The following ADAM17 variants were observed in gnomAD, a reference collection of about 807,000 sequenced individuals.
The protein encoded by ADAM17 is ADAM metallopeptidase domain 17.
ADAM17 carries 39 observed loss-of-function variants against 96.7 expected under a neutral mutation model. That is an observed-to-expected ratio of 0.40 (90% confidence interval 0.31 to 0.53). ADAM17 has a LOEUF of 0.53. Ranked by LOEUF, ADAM17 falls within the 20% of genes least tolerant of loss-of-function variation. The pLI is 0.44. For missense variants in ADAM17, 777 were observed against 1,013.2 expected (o/e 0.77, Z 3.17); for synonymous variants, 344 against 359.2 (o/e 0.96, Z 0.48).
rs756580109 is a variant in ADAM17, at chr2:9,555,492, C to G, written c.97+17G>C. ...CGCTCCAGGCGCCGGCCTAAGCCAA[C>G]TCCCCTGGGTCTTTACCGAGTCTCT... On this transcript the variant is annotated intron_variant, in intron 1 of 18. Transcript: ENST00000310823. The G allele has an allele frequency of 4.5e-6, 7 of 1,566,424 alleles. No homozygotes were observed. The highest frequency in any genetic ancestry group is 2.3e-5 in the East Asian group (1 of 42,796).
intron 18 of ADAM17, 105 bp from the exon 19 acceptor site, chr2:9,490,623 GTGATGCT>G: frequency 8.2e-7 from 1 of 1,220,128 alleles, no homozygotes; most frequent in Non-Finnish European, 1.1e-6. Context: ...TGTTGGCACT[GTGATGCT>G]AAGAAAAAAG....
At position 9,502,338 on chromosome 2, in the gene ADAM17, C is replaced by T. The variant is rs111689207; in HGVS notation, c.1545-62G>A. The T allele has an allele frequency of 1.6e-4, 232 of 1,420,202 alleles. 1 individual carries two copies. In the African/African-American group the frequency reaches 2.3e-3, roughly 14 times the overall value. 88.0% of individuals were successfully genotyped at this position (1,420,202 alleles called of 1,614,324 possible). A position where few individuals can be genotyped will look rare whatever the true frequency, so the allele number is the denominator to read the frequency against. On this transcript the variant is annotated intron_variant, in intron 12 of 18. Coordinates refer to ENST00000310823, the MANE Select transcript of ADAM17 (RefSeq NM_003183.6). ...AATTATGGCCCCATATCAAATCAAACGCTACAGTTACGTTACAGTGACCTG... is the reference window on the plus strand; with the variant it reads ...AATTATGGCCCCATATCAAATCAAATGCTACAGTTACGTTACAGTGACCTG...
At chr2:9,502,789 G>A (rs1663083680) in intron 12 of ADAM17, among the ~76,000 whole-genome samples, 2 of 144,860 alleles carry the variant, frequency 1.4e-5, no homozygotes, top group Non-Finnish European at 3.0e-5. Flanking sequence ...TGAGGCAGGA[G>A]AATCGCCTGG....
Position 9,527,999 on chromosome 2 carries a change from T to C in ADAM17, c.451-45A>G, listed in dbSNP as rs763462479. On this transcript the variant is annotated intron_variant, in intron 4 of 18. Coordinates refer to ENST00000310823, the MANE Select transcript of ADAM17 (RefSeq NM_003183.6). ...CGACTGAGATGGAAAACAATAATAA[T>C]TCCTAAACACTAAATTCTTCTAACA... The C allele has an allele frequency of 2.4e-6, 3 of 1,262,704 alleles. No homozygotes were observed. The South Asian group carries it at 5.9e-5, about 25-fold the overall frequency. 78.2% of individuals were successfully genotyped at this position (1,262,704 alleles called of 1,614,324 possible). A position where few individuals can be genotyped will look rare whatever the true frequency, so the allele number is the denominator to read the frequency against.
chr2:9,522,396 A>C (rs1299290972), intron 7 of ADAM17: 2 of 568,728 alleles, frequency 3.5e-6, no homozygotes, highest in Non-Finnish European at 6.6e-6. Context: ...CTTACTTTTC[A>C]CTGGCTTTTG....
At chr2:9,539,818 T>C (rs1572954050) in intron 2 of ADAM17, among the ~76,000 whole-genome samples, 1 of 152,340 alleles carries the variant, frequency 6.6e-6, no homozygotes, top group East Asian at 1.9e-4. Flanking sequence ...CTGTCCGACC[T>C]TGGCCTCAAT....
intron 12 of ADAM17, among the ~76,000 whole-genome samples, chr2:9,504,306 G>A (rs1182104233): frequency 3.3e-5 from 5 of 151,816 alleles, no homozygotes; most frequent in African/African-American, 9.7e-5. Context: ...TCAGCCAGGC[G>A]TGATGGTGCG....
chr2:9,514,546 TATATATATATATATATATATATAA>T lies in ADAM17; in HGVS notation c.1191+3331_1191+3354del, dbSNP rs1368392499. On this transcript the variant is annotated intron_variant, in intron 10 of 18. Transcript: ENST00000310823. The stretch of plus-strand genomic sequence containing the variant: ...ATATATATATATATATATATATATA[TATATATATATATATATATATATAA>T]ATAAAAAGAGACAGGGTCTCAGGCC... Among the ~76,000 whole-genome samples the T allele has an allele frequency of 4.2e-4, 21 of 50,372 alleles. No individual in the cohort carries two copies. In the South Asian group the frequency reaches 8.9e-3, roughly 21 times the overall value. 33.0% of individuals were successfully genotyped at this position (50,372 alleles called of 152,430 possible). A position where few individuals can be genotyped will look rare whatever the true frequency, so the allele number is the denominator to read the frequency against.
chr2:9,535,323 A>G (rs1463793647), intron 4 of ADAM17, among the ~76,000 whole-genome samples: 2 of 152,322 alleles, frequency 1.3e-5, no homozygotes, highest in East Asian at 1.9e-4. Flanking sequence ...TCTGACAGAT[A>G]GATATGTGTC....
At chr2:9,529,164 C>CA (rs1664639971) in intron 4 of ADAM17, among the ~76,000 whole-genome samples, 2 of 152,318 alleles carry the variant, frequency 1.3e-5, no homozygotes, top group South Asian at 2.1e-4. Flanking sequence ...AGAAGCCACA[C>CA]ACAGGCTGGG....
intron 10 of ADAM17, among the ~76,000 whole-genome samples, chr2:9,511,903 G>A (rs1051124780): frequency 6.6e-6 from 1 of 152,004 alleles, no homozygotes; most frequent in Non-Finnish European, 1.5e-5. Context: ...CCCAGGAGGC[G>A]GAGGTTGCTG....
intron 12 of ADAM17, 143 bp downstream of exon 12, chr2:9,505,023 G>C (rs780794109): frequency 2.2e-6 from 2 of 929,326 alleles, no homozygotes; most frequent in Non-Finnish European, 3.2e-6. Context: ...ATTTCTTGCT[G>C]TGAAGGGCAA....
chr2:9,536,610 C>T, intron 3 of ADAM17, 88 bp downstream of exon 3: 1 of 1,563,030 alleles, frequency 6.4e-7, no homozygotes, highest in Non-Finnish European at 8.7e-7. Context: ...TCCCCACTAT[C>T]CTGCACCAGA....
chr2:9,527,890 A>G lies in ADAM17; in HGVS notation c.515T>C (p.Ile172Thr), dbSNP rs778942509. Residue 172 changes from isoleucine (I) to threonine (T), a missense_variant, in exon 5 of 19, where the codon ATC (isoleucine) becomes ACC (threonine). Transcript: ENST00000310823. ...KRMLVYKSED[I>T]KNVSRLQSPK... ...AGACTGCAAACGTGAAACATTCTTG[A>G]TATCTTCAGATTTATAAACTAACAT... The G allele has an allele frequency of 6.3e-7, 1 of 1,596,222 alleles. No homozygotes were observed. The highest frequency in any genetic ancestry group is 8.5e-7 in the Non-Finnish European group (1 of 1,169,850).
chr2:9,521,414 T>C (rs1003511219), intron 7 of ADAM17, 98 bp from the exon 8 acceptor site: 2 of 891,306 alleles, frequency 2.2e-6, no homozygotes, highest in Admixed American at 3.0e-5. Flanking sequence ...AGAATCGTTC[T>C]AGAAAAAAAA....
intron 13 of ADAM17, 70 bp from the exon 14 acceptor site, chr2:9,497,318 C>CAGGT: frequency 6.3e-7 from 1 of 1,579,204 alleles, no homozygotes; most frequent in Non-Finnish European, 8.6e-7. Context: ...GTGCATAATA[C>CAGGT]GCTGTTTCTC....
intron 14 of ADAM17, 68 bp downstream of exon 14, chr2:9,497,043 TGGA>T: frequency 6.4e-7 from 1 of 1,571,930 alleles, no homozygotes; most frequent in Non-Finnish European, 8.6e-7. Context: ...AACCTCCAAA[TGGA>T]GGAAGGGAGC....
chr2:9,555,738 G>A lies in ADAM17; in HGVS notation c.-133C>T, dbSNP rs1222085923. Reference sequence around the variant, plus strand: ...TCAATCCTCTTTTCCCTCCCGCGCCGCCTACTGGGAAGATTCTACCGCCAG... The same window carrying A: ...TCAATCCTCTTTTCCCTCCCGCGCCACCTACTGGGAAGATTCTACCGCCAG... On this transcript the variant is annotated 5_prime_UTR_variant, in exon 1 of 19. Coordinates refer to ENST00000310823, the MANE Select transcript of ADAM17 (RefSeq NM_003183.6). 7.1e-6 allele frequency: 5 copies of A among 700,336 alleles called. No individual in the cohort carries two copies. The highest frequency in any genetic ancestry group is 1.8e-5 in the African/African-American group (1 of 54,122). 43.4% of individuals were successfully genotyped at this position (700,336 alleles called of 1,614,324 possible).
chr2:9,509,219 C>CT (rs1214715770), intron 11 of ADAM17, among the ~76,000 whole-genome samples: 1 of 152,214 alleles, frequency 6.6e-6, no homozygotes, highest in African/African-American at 2.4e-5. Context: ...CACCGACCCT[C>CT]TTTAACTCAG....
Sources: allele counts gnomAD v4.1 joint callset (sites outside exome capture counted in the v4.1 genomes callset), GRCh38; gene constraint gnomAD v4.1.1; transcripts MANE v1.5; gene names NCBI Gene and HGNC (gene_info 2026-07-23, HGNC 2026-07-21).